CTNNA3: variants seen among roughly 807,000 people sequenced by gnomAD.
The protein encoded by CTNNA3 is catenin alpha 3, also known as catenin alpha-3.
CTNNA3 carries 76 observed loss-of-function variants against 95.7 expected under a neutral mutation model. The ratio of observed to expected loss-of-function variants is 0.79; its 90% CI spans 0.66 to 0.96. The LOEUF is 0.96. CTNNA3 is among the 40% of genes least tolerant of loss of function. The pLI is 0.00. For missense variants in CTNNA3, 1,191 were observed against 1,089.8 expected, an observed-to-expected ratio of 1.09 and a Z score of -1.31; for synonymous variants, 431 against 374.4, an observed-to-expected ratio of 1.15 and a Z score of -1.74.
chr10:66,111,875 C>T (rs143414483), intron 13 of CTNNA3, among the ~76,000 whole-genome samples: 56 of 151,270 alleles, frequency 3.7e-4, no homozygotes, highest in Admixed American at 1.9e-3. Context: ...TTTTGTTAGG[C>T]CAATCTCAGA....
chr10:67,726,432 C>CATATATAATATTATGTATT (rs1491155133), intron 1 of CTNNA3, among the ~76,000 whole-genome samples: 1 of 51,408 alleles, frequency 1.9e-5, no homozygotes, highest in Non-Finnish European at 2.8e-5. Context: ...TATATTATAT[C>CATATATAATATTATGTATT]ATATATAATA....
At chr10:66,628,903 TATTA>T (rs1282468363) in intron 9 of CTNNA3, among the ~76,000 whole-genome samples, 2 of 152,026 alleles carry the variant, frequency 1.3e-5, no homozygotes, top group Non-Finnish European at 2.9e-5. Flanking sequence ...ACAGTAGAGA[TATTA>T]ATTAAGAAGT....
intron 7 of CTNNA3, among the ~76,000 whole-genome samples, chr10:67,078,292 T>C (rs748606109): frequency 6.6e-6 from 1 of 152,202 alleles, no homozygotes; most frequent in Non-Finnish European, 1.5e-5. Context: ...TGTACCACTA[T>C]AGTGCCTACT....
At chr10:67,132,951 G>T (rs1465702098) in intron 7 of CTNNA3, among the ~76,000 whole-genome samples, 2 of 151,834 alleles carry the variant, frequency 1.3e-5, no homozygotes. Context: ...AGAGAGGTTG[G>T]TTGTGGGCAC....
At chr10:67,234,057 G>T (rs1207156355) in intron 5 of CTNNA3, among the ~76,000 whole-genome samples, 1 of 152,296 alleles carries the variant, frequency 6.6e-6, no homozygotes. Context: ...GGACCAGCTG[G>T]ATTCACAGCC....
chr10:67,580,513 T>C (rs1190217396), intron 3 of CTNNA3, among the ~76,000 whole-genome samples: 1 of 151,814 alleles, frequency 6.6e-6, no homozygotes, highest in Non-Finnish European at 1.5e-5. Flanking sequence ...CTTTGTTCTT[T>C]TGGCTTAGGA....
chr10:66,521,880 C>T (rs1172959486), intron 10 of CTNNA3, among the ~76,000 whole-genome samples: 1 of 152,134 alleles, frequency 6.6e-6, no homozygotes, highest in Non-Finnish European at 1.5e-5. Context: ...AATTCAGGAT[C>T]TTGGTCCCAC....
intron 9 of CTNNA3, among the ~76,000 whole-genome samples, chr10:66,699,257 T>C (rs1847864455): frequency 6.6e-6 from 1 of 152,202 alleles, no homozygotes. Context: ...TTGGATCATA[T>C]GGTAGTTCTA....
intron 10 of CTNNA3, among the ~76,000 whole-genome samples, chr10:66,592,040 C>G (rs1843569257): frequency 6.7e-6 from 1 of 148,626 alleles, no homozygotes; most frequent in Non-Finnish European, 1.5e-5. Context: ...GGAATGTAGA[C>G]TTTATAGTTA....
At chr10:67,300,157 A>G (rs1840208453) in intron 5 of CTNNA3, among the ~76,000 whole-genome samples, 1 of 152,174 alleles carries the variant, frequency 6.6e-6, no homozygotes, top group Non-Finnish European at 1.5e-5. Context: ...TCTGACACAC[A>G]GTGAGGTTAA....
At chr10:66,850,097 C>T (rs1843430346) in intron 7 of CTNNA3, among the ~76,000 whole-genome samples, 1 of 151,910 alleles carries the variant, frequency 6.6e-6, no homozygotes, top group Non-Finnish European at 1.5e-5. Flanking sequence ...ACTATTCTAA[C>T]TAAAGAGTTA....
chr10:67,744,878 C>T (rs1841365432), intron 1 of CTNNA3, among the ~76,000 whole-genome samples: 1 of 152,128 alleles, frequency 6.6e-6, no homozygotes, highest in African/African-American at 2.4e-5. Context: ...CAAAAGAAGA[C>T]ATTTATGCAG....
In CTNNA3 at chr10:66,189,618, A is replaced by ATATATATATATATATATATATG. The variant is rs199807873; in HGVS notation, c.1885-86370_1885-86369insCATATATATATATATATATATA. Among the ~76,000 whole-genome samples, 9 of 58,504 alleles carry ATATATATATATATATATATATG rather than the reference A, an allele frequency of 1.5e-4. 1 individual carries two copies. The highest frequency in any genetic ancestry group is 4.3e-4 in the African/African-American group (8 of 18,654). The allele number at this position is 58,504 out of a possible 152,430, so 38.4% of individuals were successfully genotyped here. A position where few individuals can be genotyped will look rare whatever the true frequency, so the allele number is the denominator to read the frequency against. The stretch of plus-strand genomic sequence containing the variant: ...TATAGATTTATATATATATATATAT[A>ATATATATATATATATATATATG]CACACATACACACACATATACATAT... On this transcript the variant is annotated intron_variant, in intron 13 of 17. Coordinates refer to ENST00000433211, the MANE Select transcript of CTNNA3 (RefSeq NM_013266.4).
intron 5 of CTNNA3, among the ~76,000 whole-genome samples, chr10:67,464,376 C>T (rs1232883809): frequency 1.3e-5 from 2 of 152,138 alleles, no homozygotes; most frequent in Non-Finnish European, 2.9e-5. Flanking sequence ...CTTTAGATCC[C>T]AATTATCTTT....
chr10:67,082,365 C>A (rs184329755), intron 7 of CTNNA3, among the ~76,000 whole-genome samples: 7 of 152,056 alleles, frequency 4.6e-5, no homozygotes, highest in South Asian at 2.1e-4. Context: ...GCACAAATTG[C>A]GATTTCGCTA....
At chr10:66,007,088 C>T (rs978217618) in intron 15 of CTNNA3, among the ~76,000 whole-genome samples, 3 of 152,106 alleles carry the variant, frequency 2.0e-5, no homozygotes, top group Non-Finnish European at 4.4e-5. Flanking sequence ...GTAAAGCTTA[C>T]TATTTTCAAT....
chr10:67,583,362 T>A (rs1314093897), intron 3 of CTNNA3, among the ~76,000 whole-genome samples: 1 of 152,212 alleles, frequency 6.6e-6, no homozygotes, highest in Non-Finnish European at 1.5e-5. Flanking sequence ...AAAATTCTTT[T>A]CTTTAAGAAT....
chr10:67,181,460 G>A (rs1353893489), intron 6 of CTNNA3, among the ~76,000 whole-genome samples: 1 of 152,112 alleles, frequency 6.6e-6, no homozygotes. Flanking sequence ...GAAAGAGATA[G>A]TGTAGAATAA....
chr10:66,824,460 C>T (rs1414406967), intron 7 of CTNNA3, among the ~76,000 whole-genome samples: 1 of 152,038 alleles, frequency 6.6e-6, no homozygotes, highest in Non-Finnish European at 1.5e-5. Flanking sequence ...CACTTCTTTA[C>T]AGGAAACCCT....
Sources: gnomAD v4.1 joint callset for allele counts (sites outside exome capture counted in the v4.1 genomes callset) on GRCh38, gnomAD v4.1.1 for gene constraint, MANE v1.5 for transcripts, NCBI Gene and HGNC (gene_info 2026-07-23, HGNC 2026-07-21) for gene names.